The following ABCC5 variants were observed in gnomAD, a reference collection of about 807,000 sequenced individuals.
ABCC5 encodes ATP-binding cassette sub-family C member 5.
Under a neutral mutation model 160.9 loss-of-function variants are expected in ABCC5, and 61 were observed. The observed-to-expected ratio is 0.38, with a 90% CI of 0.31 to 0.47. The LOEUF is 0.47. ABCC5 is among the 20% of genes least tolerant of loss of function. The pLI is 0.99. For missense variants in ABCC5, 1,308 were observed against 1,813.3 expected, an observed-to-expected ratio of 0.72 and a Z score of 5.06; for synonymous variants, 666 against 700.6, an observed-to-expected ratio of 0.95 and a Z score of 0.78.
chr3:183,942,996 C>G, intron 24 of ABCC5, 80 bp from the exon 25 acceptor site: 1 of 1,435,476 alleles, frequency 7.0e-7, no homozygotes, highest in African/African-American at 1.4e-5. Context: ...GAAATAAAAC[C>G]AGGACAACCA....
At chr3:184,012,959 T>C (rs1486652171) in intron 2 of ABCC5, among the ~76,000 whole-genome samples, 1 of 152,190 alleles carries the variant, frequency 6.6e-6, no homozygotes, top group Non-Finnish European at 1.5e-5. Flanking sequence ...CAAAGTCCAT[T>C]ATCTTTCTCA....
chr3:184,009,399 T>C (rs926561778), intron 2 of ABCC5, among the ~76,000 whole-genome samples: 2 of 152,258 alleles, frequency 1.3e-5, no homozygotes, highest in Admixed American at 1.3e-4. Context: ...TGACATGAAA[T>C]TGCAATCTCT....
intron 2 of ABCC5, among the ~76,000 whole-genome samples, chr3:183,996,503 T>A (rs1191953479): frequency 6.6e-6 from 1 of 152,242 alleles, no homozygotes; most frequent in Non-Finnish European, 1.5e-5. Context: ...TCCTAGGTAG[T>A]AAGTTACTTC....
At chr3:183,943,048 A>T in intron 24 of ABCC5, 132 bp from the exon 25 acceptor site, 3 of 858,394 alleles carry the variant, frequency 3.5e-6, no homozygotes, top group East Asian at 2.6e-5. Context: ...TCACCTTGCT[A>T]GGAAAGAATC....
chr3:183,987,894 T>C lies in ABCC5; in HGVS notation c.467A>G (p.Glu156Gly). The change falls in exon 5 of 30, where the codon GAG becomes GGG. Residue 156 changes from glutamate (E) to glycine (G), a missense_variant. By Grantham distance (98) the Glu-to-Gly change is moderately conservative. Transcript: ENST00000334444. This position sits in a 1 kb window ranked among gnomAD's most constrained non-coding sequence, Gnocchi z 4.2. Reference sequence around the variant, plus strand: ...AGCGTCTGGCCCAACTTCATTCAGCTCTTCTTGCCACAGTCTCTCTAGTCT... The same window carrying C: ...AGCGTCTGGCCCAACTTCATTCAGCCCTTCTTGCCACAGTCTCTCTAGTCT... ...CRRLERLWQE[E>G]LNEVGPDAAS... 6.2e-7 allele frequency: 1 copy of C among 1,614,110 alleles called. No individual in the cohort carries two copies. Among genetic ancestry groups the C allele is most frequent in the Non-Finnish European group, 8.5e-7 (1 of 1,180,010 alleles).
rs963719536 is a variant in ABCC5 at position 183,920,129 on chromosome 3, C to T, written c.*1171G>A. The T allele has an allele frequency of 2.6e-5, 4 of 152,714 alleles. No homozygotes were observed. The highest frequency in any genetic ancestry group is 5.9e-5 in the Non-Finnish European group (4 of 68,134). 9.5% of individuals were successfully genotyped at this position (152,714 alleles called of 1,614,324 possible). A position where few individuals can be genotyped will look rare whatever the true frequency, so the allele number is the denominator to read the frequency against. On this transcript the variant is annotated 3_prime_UTR_variant, in exon 30 of 30. Coordinates refer to ENST00000334444, the MANE Select transcript of ABCC5 (RefSeq NM_005688.4). The surrounding 1 kb of genome is among the most constrained non-coding windows in gnomAD (Gnocchi z 4.1). ...ACAAAGGGGGTTTGCGGGAACACAC[C>T]AAACCACACAGCAACCAGCAACCTG... is the stretch of plus-strand genomic sequence containing the variant.
At chr3:183,937,375 TCAAA>T (rs968067198) in intron 26 of ABCC5, among the ~76,000 whole-genome samples, 31 of 152,102 alleles carry the variant, frequency 2.0e-4, no homozygotes, top group Admixed American at 2.0e-4. Flanking sequence ...AGACTCCATC[TCAAA>T]CAAACAGAAC....
In ABCC5 at chr3:184,014,372, TC is replaced by T; in HGVS notation, c.20del (p.Gly7GlufsTer14). 6.2e-7 allele frequency: 1 copy of T among 1,613,624 alleles called. No individual in the cohort carries two copies. Among genetic ancestry groups the T allele is most frequent in the Non-Finnish European group, 8.5e-7 (1 of 1,179,750 alleles). ...CAGGACTGGGGATGATATACTCTTT[TC>T]CTATGTCGATATCCTTCATCTTCTC... MKDIDIGKEYIIPSPGY... is the reference protein window; with the variant it reads MKDIDIXKEYIIPSPGY... On this transcript the variant is annotated frameshift_variant, in exon 2 of 30. Coordinates refer to ENST00000334444, the MANE Select transcript of ABCC5 (RefSeq NM_005688.4). LOFTEE classifies it high-confidence loss of function.
intron 5 of ABCC5, chr3:183,985,512 C>T (rs564075435): frequency 6.5e-5 from 52 of 805,446 alleles, no homozygotes; most frequent in East Asian, 4.4e-4. Context: ...GGGTTTTACA[C>T]TGTCCTTTCC....
At chr3:184,007,298 G>C (rs755079122) in intron 2 of ABCC5, among the ~76,000 whole-genome samples, 26 of 151,742 alleles carry the variant, frequency 1.7e-4, no homozygotes, top group Non-Finnish European at 3.4e-4. Flanking sequence ...GAGATTACAG[G>C]CGTGAGCCAC....
chr3:184,004,284 G>T (rs1305447046), intron 2 of ABCC5, among the ~76,000 whole-genome samples: 1 of 151,848 alleles, frequency 6.6e-6, no homozygotes, highest in Admixed American at 6.6e-5. Flanking sequence ...GCCCAGGCAG[G>T]TGGATCACTT....
chr3:183,930,756 TG>T (rs1713097316), intron 26 of ABCC5, among the ~76,000 whole-genome samples: 1 of 152,218 alleles, frequency 6.6e-6, no homozygotes, highest in Non-Finnish European at 1.5e-5. Flanking sequence ...AGTGGCAGCA[TG>T]GCCCAAATGA....
At chr3:183,954,999 T>C (rs1176927427) in intron 17 of ABCC5, among the ~76,000 whole-genome samples, 1 of 152,174 alleles carries the variant, frequency 6.6e-6, no homozygotes, top group African/African-American at 2.4e-5. Context: ...GGTTAAGCTC[T>C]GCCTGAAGAG....
At chr3:183,947,792 G>C (rs1714988108) in intron 22 of ABCC5, among the ~76,000 whole-genome samples, 1 of 152,124 alleles carries the variant, frequency 6.6e-6, no homozygotes, top group Non-Finnish European at 1.5e-5. Flanking sequence ...TCAGCACAGA[G>C]TAAACATGGG....
intron 18 of ABCC5, 66 bp from the exon 19 acceptor site, chr3:183,952,069 C>A: frequency 6.5e-7 from 1 of 1,548,336 alleles, no homozygotes; most frequent in South Asian, 1.2e-5. Flanking sequence ...TGCTCAGCGC[C>A]ATTCTCAGCT....
At chr3:184,014,910 G>A (rs1045710009) in intron 1 of ABCC5, among the ~76,000 whole-genome samples, 4 of 152,056 alleles carry the variant, frequency 2.6e-5, no homozygotes, top group Non-Finnish European at 5.9e-5. Context: ...TTCTACCAAT[G>A]ATATATTCCA....
At chr3:183,967,600 C>T in intron 12 of ABCC5, 95 bp downstream of exon 12, 1 of 1,104,582 alleles carries the variant, frequency 9.1e-7, no homozygotes, top group South Asian at 1.3e-5. Context: ...CATTTGTTTC[C>T]ACCTTTCCTG....
intron 5 of ABCC5, chr3:183,985,253 C>A: frequency 6.9e-7 from 1 of 1,441,606 alleles, no homozygotes; most frequent in Non-Finnish European, 9.8e-7. Flanking sequence ...AGACTGTTAG[C>A]ATAGCTGTCT....
In ABCC5 at chr3:183,971,678, A is replaced by G. The variant is rs1717762629; in HGVS notation, c.1646T>C (p.Leu549Pro). ...QAVLAEQKGHLLLDSDERPSP... is the reference protein window; with the variant it reads ...QAVLAEQKGHPLLDSDERPSP... ...GGGCCGCTCGTCACTGTCCAGGAGG[A>G]GGTGGCCTTTCTGCTCTGCCAGCAC... Residue 549 changes from leucine (L) to proline (P), a missense_variant, in exon 11 of 30, where the codon CTC becomes CCC. Coordinates refer to ENST00000334444, the MANE Select transcript of ABCC5 (RefSeq NM_005688.4). The G allele has an allele frequency of 6.2e-7, 1 of 1,613,894 alleles. No individual in the cohort carries two copies.
Sources: gnomAD v4.1 joint callset for allele counts (sites outside exome capture counted in the v4.1 genomes callset) on GRCh38, gnomAD v4.1.1 for gene constraint, Gnocchi (gnomAD v3.1) non-coding constraint, MANE v1.5 for transcripts, NCBI Gene and HGNC (gene_info 2026-07-23, HGNC 2026-07-21) for gene names.